The following SKIL variants were observed in gnomAD, a reference collection of about 807,000 sequenced individuals.
SKIL encodes the protein ski-like protein.
In SKIL, 20 loss-of-function variants were observed where a neutral mutation model predicts 69.6. The ratio of observed to expected loss-of-function variants is 0.29; its 90% confidence interval spans 0.20 to 0.42. The LOEUF is 0.42. SKIL is among the 10% of genes least tolerant of loss of function. The probability of loss-of-function intolerance (pLI) is 1.00; values close to 1 mark genes in which losing one functional copy is unlikely to be tolerated. For missense variants in SKIL, 745 were observed against 783.1 expected, an observed-to-expected ratio of 0.95 and a Z score of 0.58; for synonymous variants, 310 against 279.9, an observed-to-expected ratio of 1.11 and a Z score of -1.08.
intron 2 of SKIL, among the ~76,000 whole-genome samples, chr3:170,378,481 T>G (rs932474804): frequency 3.3e-5 from 5 of 152,074 alleles, no homozygotes; most frequent in African/African-American, 1.2e-4. Context: ...ACTGGAATAT[T>G]GGGACATCAG....
chr3:170,361,297 A>G lies in SKIL; in HGVS notation c.966A>G (p.Ser322=). ...DKRTCHWGFE[S]AKWHCYLHVN... is the part of the protein sequence containing the mutation. The stretch of plus-strand genomic sequence containing the variant: ...GAACTTGCCACTGGGGCTTTGAATC[A>G]GCTAAATGGCATTGCTATCTTCATG... Residue 322 remains serine (S), a synonymous_variant, in exon 2 of 7, where the codon TCA becomes TCG. Transcript: ENST00000259119. 4 of 1,614,196 alleles carry G rather than the reference A, an allele frequency of 2.5e-6. No individual in the cohort carries two copies. Among genetic ancestry groups the G allele is most frequent in the Non-Finnish European group, 3.4e-6 (4 of 1,180,034 alleles).
chr3:170,361,087 G>A lies in SKIL; in HGVS notation c.756G>A (p.Leu252=). ...NGSVLPAKSS[L]AQLKETGSAF... Reference sequence around the variant, plus strand: ...GCGTACTTCCTGCTAAAAGCTCATTGGCCCAGTTAAAGGAAACTGGCAGTG... The same window carrying A: ...GCGTACTTCCTGCTAAAAGCTCATTAGCCCAGTTAAAGGAAACTGGCAGTG... The change falls in exon 2 of 7, where the codon TTG becomes TTA. Residue 252 remains leucine, a synonymous_variant. Coordinates refer to ENST00000259119, the MANE Select transcript of SKIL (RefSeq NM_005414.5). 1 of 1,614,184 alleles carries A rather than the reference G, an allele frequency of 6.2e-7. No individual in the cohort carries two copies. Among genetic ancestry groups the A allele is most frequent in the Non-Finnish European group, 8.5e-7 (1 of 1,180,040 alleles).
At position 170,361,330 on chromosome 3, in the gene SKIL, A is replaced by G. The variant is rs188728852; in HGVS notation, c.999A>G (p.Gln333=). The G allele has an allele frequency of 6.8e-6, 11 of 1,613,792 alleles. No individual in the cohort carries two copies. The highest frequency in any genetic ancestry group is 3.3e-5 in the South Asian group (3 of 90,846). Residue 333 remains glutamine (Q), a synonymous_variant, in exon 2 of 7, where the codon CAA becomes CAG. Coordinates refer to ENST00000259119, the MANE Select transcript of SKIL (RefSeq NM_005414.5). The part of the protein sequence containing the change: ...AKWHCYLHVN[Q]KYLGTPEEKK... ...GGCATTGCTATCTTCATGTGAACCA[A>G]AAATACTTAGGAACACCTGAAGAAA... is the stretch of plus-strand genomic sequence containing the variant.
At chr3:170,391,946 A>G (rs1349420005) in intron 6 of SKIL, among the ~76,000 whole-genome samples, 2 of 152,240 alleles carry the variant, frequency 1.3e-5, no homozygotes, top group Non-Finnish European at 2.9e-5. Flanking sequence ...TCTTTTGTTA[A>G]TAGAATCTCA....
At chr3:170,370,519 G>A (rs73163811) in intron 2 of SKIL, among the ~76,000 whole-genome samples, 329 of 133,258 alleles carry the variant, frequency 2.5e-3, no homozygotes, top group South Asian at 3.8e-3. Flanking sequence ...AATCTAGAAT[G>A]TGGTAGATGC....
chr3:170,392,213 G>A, intron 6 of SKIL, 46 bp from the exon 7 acceptor site: 1 of 1,489,398 alleles, frequency 6.7e-7, no homozygotes, highest in Non-Finnish European at 9.1e-7. Context: ...GGATTAAATG[G>A]AAAAACAAAA....
chr3:170,391,186 G>A lies in SKIL; in HGVS notation c.1822G>A (p.Glu608Lys). Residue 608 changes from glutamate (E) to lysine (K), a missense_variant, in exon 6 of 7, where the codon GAG (glutamate) becomes AAG (lysine). Glu to Lys is a moderately conservative substitution (Grantham distance 56). Transcript: ENST00000259119. Reference protein sequence around the residue: ...VEQKDLEKKLEQIMKQKCTCD... With the variant: ...VEQKDLEKKLKQIMKQKCTCD... The stretch of plus-strand genomic sequence containing the variant: ...ACAGAAAGACTTAGAGAAAAAATTG[G>A]AGCAGATAATGAAGCAAAAATGTAC... 6.2e-7 allele frequency: 1 copy of A among 1,613,130 alleles called. No individual in the cohort carries two copies. Among genetic ancestry groups the A allele is most frequent in the Non-Finnish European group, 8.5e-7 (1 of 1,179,226 alleles).
intron 5 of SKIL, among the ~76,000 whole-genome samples, chr3:170,390,771 C>T (rs1028435199): frequency 1.3e-5 from 2 of 152,176 alleles, no homozygotes; most frequent in Non-Finnish European, 2.9e-5. Flanking sequence ...TGAGCCACTG[C>T]GCCCAGCCCC....
rs1486900395 is a variant in SKIL, at chr3:170,392,379, C to G, written c.2017C>G (p.Leu673Val). 2.5e-6 allele frequency: 4 copies of G among 1,611,450 alleles called. No individual in the cohort carries two copies. The highest frequency in any genetic ancestry group is 2.7e-5 in the African/African-American group (2 of 74,834). ...AGAGATGATGATAAAAGAGCTAAAG[C>G]TGCAAATTCTGAAATCATCAAAGAC... ...KLEMMIKELK[L>V]QILKSSKTAK... Residue 673 changes from leucine (L) to valine (V), a missense_variant, in exon 7 of 7, where the codon CTG becomes GTG. Physicochemically the swap from Leu to Val is conservative, Grantham distance 32. Coordinates refer to ENST00000259119, the MANE Select transcript of SKIL (RefSeq NM_005414.5).
Position 170,394,012 on chromosome 3 carries a change from T to C in SKIL, c.*1595T>C, listed in dbSNP as rs1026715503. On this transcript the variant is annotated 3_prime_UTR_variant, in exon 7 of 7. Transcript: ENST00000259119. ...TTGAGTATAACCTAAATGTGTGTTT[T>C]CTATTTTCCATTTAAATTTTGCTAT... The C allele has an allele frequency of 8.5e-5, 13 of 152,166 alleles. No homozygotes were observed. Among genetic ancestry groups the C allele is most frequent in the Non-Finnish European group, 4.4e-5 (3 of 68,026 alleles). 9.4% of individuals were successfully genotyped at this position (152,166 alleles called of 1,614,324 possible).
chr3:170,391,379 A>C (rs1439046640), intron 6 of SKIL, 119 bp downstream of exon 6: 1 of 620,862 alleles, frequency 1.6e-6, no homozygotes, highest in African/African-American at 1.9e-5. Context: ...GTGCAGTGGC[A>C]CAATCTCAGC....
At chr3:170,369,937 G>A (rs972404461) in intron 2 of SKIL, among the ~76,000 whole-genome samples, 1 of 152,092 alleles carries the variant, frequency 6.6e-6, no homozygotes, top group African/African-American at 2.4e-5. Flanking sequence ...GCATCTTGTT[G>A]TAAGATGTGA....
At chr3:170,362,562 C>T (rs985963941) in intron 2 of SKIL, among the ~76,000 whole-genome samples, 1 of 151,626 alleles carries the variant, frequency 6.6e-6, no homozygotes, top group African/African-American at 2.4e-5. Context: ...GGCTCACAAT[C>T]CCAGCACTTT....
Position 170,381,327 on chromosome 3 carries a change from AT to A in SKIL, c.1187del (p.Leu396TyrfsTer71). On this transcript the variant is annotated frameshift_variant, in exon 3 of 7. Transcript: ENST00000259119. LOFTEE classifies it high-confidence loss of function. ...GTGACCATGTTTCTCAGACACATTC[AT>A]TTTTACACCCCAGGTGAGTTGGTAT... ...EGDHVSQTHSFLHPSYYLYMC... is the reference protein window; with the variant it reads ...EGDHVSQTHSXLHPSYYLYMC... 6.5e-7 allele frequency: 1 copy of A among 1,537,382 alleles called. No individual in the cohort carries two copies.
chr3:170,390,904 A>G (rs930670413), intron 5 of SKIL, 132 bp from the exon 6 acceptor site: 5 of 518,422 alleles, frequency 9.6e-6, no homozygotes, highest in African/African-American at 7.9e-5. Flanking sequence ...GTTTTTTAAA[A>G]TAATTACCTC....
chr3:170,370,160 A>G (rs1577418412), intron 2 of SKIL, among the ~76,000 whole-genome samples: 5 of 152,014 alleles, frequency 3.3e-5, no homozygotes, highest in South Asian at 4.1e-4. Flanking sequence ...AATGGCGTAA[A>G]CCCGGGAGGC....
At chr3:170,373,913 GT>G (rs1320274695) in intron 2 of SKIL, among the ~76,000 whole-genome samples, 2 of 151,838 alleles carry the variant, frequency 1.3e-5, no homozygotes, top group Non-Finnish European at 1.5e-5. Flanking sequence ...ATTTTAAAGG[GT>G]TTTTTTTGGT....
intron 6 of SKIL, among the ~76,000 whole-genome samples, chr3:170,391,984 A>C (rs547266387): frequency 1.2e-4 from 19 of 152,236 alleles, no homozygotes; most frequent in African/African-American, 4.1e-4. Context: ...ACAAATAACT[A>C]ACATGAGCAG....
intron 4 of SKIL, among the ~76,000 whole-genome samples, chr3:170,387,218 C>T (rs1185610714): frequency 6.6e-6 from 1 of 152,082 alleles, no homozygotes. Context: ...ACAGGGTTTT[C>T]GCCATGTTAG....
Sources: gnomAD v4.1 joint callset for allele counts (sites outside exome capture counted in the v4.1 genomes callset) on GRCh38, gnomAD v4.1.1 for gene constraint, MANE v1.5 for transcripts, NCBI Gene and HGNC (gene_info 2026-07-23, HGNC 2026-07-21) for gene names.